The following PALM variants were observed in gnomAD, a reference collection of about 807,000 sequenced individuals.
The protein encoded by PALM is paralemmin-1.
Under a neutral mutation model 30.7 loss-of-function variants are expected in PALM, and 18 were observed. The observed-to-expected ratio is 0.59, with a 90% CI of 0.41 to 0.87. The LOEUF is 0.87. PALM is among the 40% of genes least tolerant of loss of function. PALM has a pLI of 0.00. For synonymous variants in PALM, 286 were observed against 242.8 expected, an observed-to-expected ratio of 1.18 and a Z score of -1.66; for missense variants, 529 against 555.4, an observed-to-expected ratio of 0.95 and a Z score of 0.48.
intron 1 of PALM, among the ~76,000 whole-genome samples, chr19:716,308 G>A (rs533849700): frequency 2.5e-4 from 38 of 152,250 alleles, no homozygotes; most frequent in Non-Finnish European, 5.1e-4. Context: ...AGCTACTCGG[G>A]AGGCTGAGGC....
chr19:740,993 C>T (rs963780983), intron 8 of PALM, among the ~76,000 whole-genome samples: 2 of 150,008 alleles, frequency 1.3e-5, no homozygotes, highest in Admixed American at 6.6e-5. Context: ...AAAAAAATTA[C>T]CCTGGCATGG....
Position 727,648 on chromosome 19 carries a change from C to G in PALM, c.223C>G (p.Gln75Glu). 2.5e-6 allele frequency: 4 copies of G among 1,570,860 alleles called. No homozygotes were observed. The highest frequency in any genetic ancestry group is 2.3e-5 in the South Asian group (2 of 85,598). The change falls in exon 4 of 9, where the codon CAG (glutamine) becomes GAG (glutamate). Residue 75 changes from glutamine to glutamate, a missense_variant. Physicochemically the swap from Gln to Glu is conservative, Grantham distance 29. Transcript: ENST00000338448. Reference protein sequence around the residue: ...EGDEDLRRQMQDDEQKTRLLE... With the variant: ...EGDEDLRRQMEDDEQKTRLLE... ...GGATGAGGACCTGAGGAGGCAGATG[C>G]AGGACGACGAGCAGAAGACACGGCT...
rs118094354 is a variant in PALM, at chr19:717,293, A to G, written c.5+8142A>G. Among the ~76,000 whole-genome samples, 459 of 151,944 alleles carry G rather than the reference A, an allele frequency of 3.0e-3. 15 individuals carry two copies. The East Asian group carries it at 0.064, about 21-fold the overall frequency. ...CACCCCCAAAACAAGCCCTGTCCCC[A>G]TTAGGCATCCCCTCCCGTCCCCCTC... On this transcript the variant is annotated intron_variant, in intron 1 of 8. Transcript: ENST00000338448.
chr19:733,262 C>T (rs1027416815), intron 5 of PALM, among the ~76,000 whole-genome samples: 3 of 152,138 alleles, frequency 2.0e-5, no homozygotes, highest in Admixed American at 6.5e-5. Context: ...AGGAGTTCTC[C>T]AGGTGCTTTT....
chr19:728,114 C>T (rs1277298211), intron 4 of PALM, among the ~76,000 whole-genome samples: 1 of 152,188 alleles, frequency 6.6e-6, no homozygotes, highest in African/African-American at 2.4e-5. Context: ...AGCTGGCGGG[C>T]AAGCGCTCCC....
chr19:726,261 G>A, intron 2 of PALM, 72 bp downstream of exon 2: 5 of 1,312,212 alleles, frequency 3.8e-6, no homozygotes, highest in Non-Finnish European at 5.5e-6. Flanking sequence ...CTCGGGCCCT[G>A]GACCTGTCCT....
intron 1 of PALM, among the ~76,000 whole-genome samples, chr19:717,957 G>A (rs1178456205): frequency 1.3e-5 from 2 of 152,110 alleles, no homozygotes; most frequent in African/African-American, 4.8e-5. Context: ...TGAGGCGGGC[G>A]AACCACCTGA....
chr19:713,702 C>G (rs543642893), intron 1 of PALM, among the ~76,000 whole-genome samples: 5 of 152,052 alleles, frequency 3.3e-5, no homozygotes, highest in Admixed American at 2.0e-4. Context: ...CCTCAGCCTC[C>G]CAAGCCGCTG....
chr19:720,949 C>A (rs982290528), intron 1 of PALM, among the ~76,000 whole-genome samples: 5 of 152,198 alleles, frequency 3.3e-5, no homozygotes, highest in African/African-American at 1.2e-4. Context: ...TCCGGGGTGG[C>A]CCCGAGCCCA....
At chr19:724,092 C>T (rs2032583533) in intron 1 of PALM, among the ~76,000 whole-genome samples, 1 of 151,372 alleles carries the variant, frequency 6.6e-6, no homozygotes, top group Admixed American at 6.6e-5. Flanking sequence ...AGGGGCTCTG[C>T]ACCAGCTTCT....
At chr19:725,965 G>A (rs1486930522) in intron 1 of PALM, among the ~76,000 whole-genome samples, 173 bp from the exon 2 acceptor site, 2 of 152,180 alleles carry the variant, frequency 1.3e-5, no homozygotes, top group African/African-American at 4.8e-5. Flanking sequence ...GGCTTCCTTG[G>A]CCGCTGAGGG....
In PALM at chr19:747,004, A is replaced by C; in HGVS notation, c.*190A>C. ...CCCCCACCCGTCACCACGCCCCAAC[A>C]CTCCCCCCGAACCAGAGCCGTGCAC... On this transcript the variant is annotated 3_prime_UTR_variant, in exon 9 of 9. Transcript: ENST00000338448. 1 of 575,724 alleles carries C rather than the reference A, an allele frequency of 1.7e-6. No individual in the cohort carries two copies. The highest frequency in any genetic ancestry group is 3.1e-6 in the Non-Finnish European group (1 of 323,636). The allele number at this position is 575,724 out of a possible 1,614,324, so 35.7% of individuals were successfully genotyped here.
rs750340975 is a variant in PALM, at chr19:746,326, C to A, written c.676C>A (p.Pro226Thr). 7.4e-6 allele frequency: 12 copies of A among 1,613,232 alleles called. No homozygotes were observed. Among genetic ancestry groups the A allele is most frequent in the Non-Finnish European group, 1.0e-5 (12 of 1,179,480 alleles). The change falls in exon 9 of 9, where the codon CCC (proline) becomes ACC (threonine). Residue 226 changes from proline (P) to threonine (T), a missense_variant. Pro to Thr is a conservative substitution (Grantham distance 38). Coordinates refer to ENST00000338448, the MANE Select transcript of PALM (RefSeq NM_002579.3). The surrounding 1 kb of genome is among the most constrained non-coding windows in gnomAD (Gnocchi z 7.1). ...VDGTAENGIH[P>T]LSSSEVDELI... ...CGGCACCGCCGAGAACGGGATCCAC[C>A]CCCTGAGCTCCTCCGAGGTGGACGA...
At chr19:728,017 A>G (rs775628983) in intron 4 of PALM, among the ~76,000 whole-genome samples, 6 of 94,750 alleles carry the variant, frequency 6.3e-5, no homozygotes, top group Admixed American at 1.1e-4. Flanking sequence ...GGAGCTGGCC[A>G]GCGGGGGACG....
chr19:732,302 C>T (rs1308825487), intron 5 of PALM, among the ~76,000 whole-genome samples: 1 of 152,206 alleles, frequency 6.6e-6, no homozygotes, highest in African/African-American at 2.4e-5. Flanking sequence ...TCGCAGCCCA[C>T]AGAGGCAGAG....
intron 1 of PALM, among the ~76,000 whole-genome samples, chr19:724,282 C>T (rs2032588515): frequency 6.6e-6 from 1 of 152,154 alleles, no homozygotes; most frequent in Admixed American, 6.6e-5. Flanking sequence ...CCGGTCCCTT[C>T]AGGCGTATCC....
intron 1 of PALM, chr19:719,573 C>T: frequency 1.0e-6 from 1 of 986,622 alleles, no homozygotes; most frequent in Non-Finnish European, 1.2e-6. Context: ...CAGCACCTGC[C>T]CTGGGACCCC....
rs2031980892 is a variant in PALM, at chr19:709,050, C to T, written c.-97C>T. 5.3e-6 allele frequency: 1 copy of T among 188,668 alleles called. No homozygotes were observed. Among genetic ancestry groups the T allele is most frequent in the African/African-American group, 2.4e-5 (1 of 41,572 alleles). The allele number at this position is 188,668 out of a possible 1,614,324, so 11.7% of individuals were successfully genotyped here. A position where few individuals can be genotyped will look rare whatever the true frequency, so the allele number is the denominator to read the frequency against. The stretch of plus-strand genomic sequence containing the variant: ...CGCCAGGCCTTAGCCCGCCCCGGCC[C>T]CCGCCAGGCCGCGTCCCCCTCCCCT... On this transcript the variant is annotated 5_prime_UTR_variant, in exon 1 of 9. Transcript: ENST00000338448. This position sits in a 1 kb window ranked among gnomAD's most constrained non-coding sequence, Gnocchi z 4.3.
At position 709,556 on chromosome 19, in the gene PALM, G is replaced by A. The variant is rs1023247213; in HGVS notation, c.5+405G>A. Among the ~76,000 whole-genome samples, 7 of 151,996 alleles carry A rather than the reference G, an allele frequency of 4.6e-5. No individual in the cohort carries two copies. Among genetic ancestry groups the A allele is most frequent in the Admixed American group, 3.9e-4 (6 of 15,278 alleles). ...CCAGATTGCACCGGTCCGGCCTCGC[G>A]CTCACGCACCCTTCCCCCGCCCCAG... On this transcript the variant is annotated intron_variant, in intron 1 of 8. Coordinates refer to ENST00000338448, the MANE Select transcript of PALM (RefSeq NM_002579.3). The surrounding 1 kb of genome is among the most constrained non-coding windows in gnomAD (Gnocchi z 4.3).
Sources: allele counts gnomAD v4.1 joint callset (sites outside exome capture counted in the v4.1 genomes callset), GRCh38; gene constraint gnomAD v4.1.1; non-coding constraint Gnocchi (gnomAD v3.1); transcripts MANE v1.5; gene names NCBI Gene and HGNC (gene_info 2026-07-23, HGNC 2026-07-21).